NSD2: variants seen among roughly 807,000 people sequenced by gnomAD.
NSD2 encodes nuclear receptor binding SET domain protein 2, also known as histone-lysine N-methyltransferase NSD2.
A neutral mutation model predicts 139.0 loss-of-function variants in NSD2; 12 were observed. The ratio of observed to expected loss-of-function variants is 0.09; its 90% CI spans 0.06 to 0.14. The LOEUF (loss-of-function observed/expected upper bound fraction) is 0.14. NSD2 is among the 10% of genes least tolerant of loss of function. The pLI is 1.00. For missense variants in NSD2, 1,155 were observed against 1,745.0 expected (o/e 0.66, Z 6.02); for synonymous variants, 669 against 648.7 (o/e 1.03, Z -0.48).
At chr4:1,964,447 T>C (rs1028456982) in intron 18 of NSD2, among the ~76,000 whole-genome samples, 10 of 152,162 alleles carry the variant, frequency 6.6e-5, no homozygotes, top group African/African-American at 2.2e-4. Flanking sequence ...TTTCAGCTCT[T>C]GGCACAGCAG....
chr4:1,935,001 A>C (rs1722222381), intron 6 of NSD2, 143 bp from the exon 7 acceptor site: 2 of 466,318 alleles, frequency 4.3e-6, no homozygotes. Flanking sequence ...TGTAAGACAT[A>C]AGCCCTGGAA....
chr4:1,904,106 T>C, intron 2 of NSD2, 110 bp from the exon 3 acceptor site: 2 of 1,221,410 alleles, frequency 1.6e-6, no homozygotes, highest in East Asian at 2.5e-5. Context: ...CACTCCATTT[T>C]TGGGGGTCTG....
intron 1 of NSD2, among the ~76,000 whole-genome samples, chr4:1,882,883 T>C (rs897884148): frequency 6.6e-6 from 1 of 152,168 alleles, no homozygotes; most frequent in African/African-American, 2.4e-5. Context: ...TGTGTTCTAA[T>C]GTGTCCTTCA....
chr4:1,941,390 A>C, intron 9 of NSD2: 1 of 1,050,658 alleles, frequency 9.5e-7, no homozygotes, highest in Non-Finnish European at 1.1e-6. Context: ...TCCTGATCCT[A>C]AGTCATGTAT....
chr4:1,946,433 ATT>A, intron 9 of NSD2: 1 of 495,416 alleles, frequency 2.0e-6, no homozygotes, highest in Non-Finnish European at 2.7e-6. Context: ...ACACCTGGCT[ATT>A]TTTTTTTGTA....
chr4:1,923,281 G>C (rs1720400703), intron 5 of NSD2, among the ~76,000 whole-genome samples: 2 of 143,542 alleles, frequency 1.4e-5, no homozygotes, highest in Admixed American at 1.4e-4. Flanking sequence ...TTGAGCCACT[G>C]CACCACTTCA....
At chr4:1,932,447 A>G (rs1474653845) in intron 6 of NSD2, among the ~76,000 whole-genome samples, 1 of 149,318 alleles carries the variant, frequency 6.7e-6, no homozygotes, top group Non-Finnish European at 1.5e-5. Flanking sequence ...TCCAAAAAAA[A>G]AAAAAAAAAA....
chr4:1,960,071 C>A (rs1725218640), intron 17 of NSD2, among the ~76,000 whole-genome samples: 1 of 152,070 alleles, frequency 6.6e-6, no homozygotes, highest in Non-Finnish European at 1.5e-5. Context: ...GTTGCCCAGG[C>A]TCATTTCGAA....
At chr4:1,880,182 C>T (rs185548332) in intron 1 of NSD2, among the ~76,000 whole-genome samples, 40 of 152,202 alleles carry the variant, frequency 2.6e-4, no homozygotes, top group African/African-American at 9.2e-4. Flanking sequence ...CTTTGTAGAG[C>T]CTTGCTACAC....
At chr4:1,949,422 T>C (rs1723976691) in intron 9 of NSD2, among the ~76,000 whole-genome samples, 1 of 152,222 alleles carries the variant, frequency 6.6e-6, no homozygotes, top group Non-Finnish European at 1.5e-5. Flanking sequence ...GGCTCACATC[T>C]GTCACCACCC....
At position 1,942,403 on chromosome 4, in the gene NSD2, A is replaced by G. The variant is rs370847922; in HGVS notation, c.1881+2625A>G. 6.2e-7 allele frequency: 1 copy of G among 1,609,912 alleles called. No individual in the cohort carries two copies. The highest frequency in any genetic ancestry group is 1.1e-5 in the South Asian group (1 of 90,040). ...CCAGCTGCTCTGTACTGCACTTAGA[A>G]TGATGTAATATTCCAGGATGCTGCT... On this transcript the variant is annotated intron_variant, in intron 9 of 21. Transcript: ENST00000508803. The surrounding 1 kb of genome is among the most constrained non-coding windows in gnomAD (Gnocchi z 4.0).
intron 5 of NSD2, among the ~76,000 whole-genome samples, chr4:1,928,281 T>C (rs976826272): frequency 2.6e-5 from 4 of 152,184 alleles, no homozygotes; most frequent in Non-Finnish European, 4.4e-5. Context: ...CAGTATGTTA[T>C]TGTACAAAAG....
chr4:1,883,852 G>A (rs1237589767), intron 1 of NSD2, among the ~76,000 whole-genome samples: 1 of 152,148 alleles, frequency 6.6e-6, no homozygotes, highest in Non-Finnish European at 1.5e-5. Flanking sequence ...TGGCCCACAT[G>A]GAGCTGCACG....
At chr4:1,949,630 G>T (rs1577521628) in intron 9 of NSD2, among the ~76,000 whole-genome samples, 1 of 152,148 alleles carries the variant, frequency 6.6e-6, no homozygotes, top group Non-Finnish European at 1.5e-5. Flanking sequence ...GGACTTGTTG[G>T]CAGGTGCCTG....
At position 1,974,127 on chromosome 4, in the gene NSD2, C is replaced by T. The variant is rs1054252492; in HGVS notation, c.3373-736C>T. Among the ~76,000 whole-genome samples, 1 of 152,192 alleles carries T rather than the reference C, an allele frequency of 6.6e-6. No homozygotes were observed. Among genetic ancestry groups the T allele is most frequent in the Non-Finnish European group, 1.5e-5 (1 of 68,048 alleles). On this transcript the variant is annotated intron_variant, in intron 18 of 21. Coordinates refer to ENST00000508803, the MANE Select transcript of NSD2 (RefSeq NM_001042424.3). This position sits in a 1 kb window ranked among gnomAD's most constrained non-coding sequence, Gnocchi z 4.0. ...GGTGCAAAGTCAGAGCTCACTGTCA[C>T]TCGGATCTGCATTTCTCCACCTCTG... is the stretch of plus-strand genomic sequence containing the variant.
intron 9 of NSD2, chr4:1,947,852 A>G: frequency 9.5e-7 from 1 of 1,052,096 alleles, no homozygotes; most frequent in South Asian, 4.6e-5. Context: ...TTTTGTCAAA[A>G]AATTAAAAAC....
chr4:1,935,333 T>C (rs1366520578), intron 7 of NSD2, 71 bp downstream of exon 7: 3 of 1,194,514 alleles, frequency 2.5e-6, no homozygotes, highest in Non-Finnish European at 3.7e-6. Flanking sequence ...ACTGTTTCCC[T>C]GCATGGGAGC....
At position 1,948,506 on chromosome 4, in the gene NSD2, T is replaced by A; in HGVS notation, c.1882-2566T>A. On this transcript the variant is annotated intron_variant, in intron 9 of 21. Transcript: ENST00000508803. This position sits in a 1 kb window ranked among gnomAD's most constrained non-coding sequence, Gnocchi z 4.5. ...GCGGGTGGTTGCCGAGCCGAGAGCA[T>A]TGGATCCTCCCCGACTGTGGCTAGT... 2 of 1,063,854 alleles carry A rather than the reference T, an allele frequency of 1.9e-6. No homozygotes were observed. Among genetic ancestry groups the A allele is most frequent in the Non-Finnish European group, 2.3e-6 (2 of 877,620 alleles). The allele number at this position is 1,063,854 out of a possible 1,614,324, so 65.9% of individuals were successfully genotyped here. A position where few individuals can be genotyped will look rare whatever the true frequency, so the allele number is the denominator to read the frequency against.
chr4:1,935,293 CAG>C (rs1722260463), intron 7 of NSD2, 31 bp downstream of exon 7: 1 of 1,548,400 alleles, frequency 6.5e-7, no homozygotes, highest in Non-Finnish European at 8.9e-7. Flanking sequence ...CTTGACCTGT[CAG>C]AGTGTATGCT....
Sources: allele counts gnomAD v4.1 joint callset (sites outside exome capture counted in the v4.1 genomes callset), GRCh38; gene constraint gnomAD v4.1.1; non-coding constraint Gnocchi (gnomAD v3.1); transcripts MANE v1.5; gene names NCBI Gene and HGNC (gene_info 2026-07-23, HGNC 2026-07-21).